GPBP1: variants seen among roughly 807,000 people sequenced by gnomAD.
GPBP1 encodes GC-rich promoter binding protein 1, also known as vasculin.
Under a neutral mutation model 56.5 loss-of-function variants are expected in GPBP1, and 13 were observed. The observed-to-expected ratio is 0.23, with a 90% CI of 0.15 to 0.37. The LOEUF is 0.37. Ranked by LOEUF, GPBP1 falls within the 10% of genes least tolerant of loss-of-function variation. GPBP1 has a pLI of 1.00. For synonymous variants in GPBP1, 204 were observed against 188.9 expected (o/e 1.08, Z -0.66); for missense variants, 477 against 572.3 (o/e 0.83, Z 1.70).
intron 5 of GPBP1, 42 bp from the exon 6 acceptor site, chr5:57,235,924 T>G (rs1407900143): frequency 7.2e-7 from 1 of 1,393,708 alleles, no homozygotes; most frequent in East Asian, 2.3e-5. Context: ...TTTAAATGAT[T>G]TATTTTTAAA....
chr5:57,187,003 A>AGTGTGTGT (rs66642664), intron 2 of GPBP1, among the ~76,000 whole-genome samples: 2,817 of 146,736 alleles, frequency 0.019, 29 homozygotes, highest in Non-Finnish European at 0.024. Flanking sequence ...GACTCAGAGA[A>AGTGTGTGT]GTGTGTGTGT....
intron 11 of GPBP1, 91 bp from the exon 12 acceptor site, chr5:57,262,503 G>T (rs1741945034): frequency 1.1e-5 from 11 of 1,001,746 alleles, no homozygotes; most frequent in African/African-American, 1.6e-5. Context: ...TTTGGGTTAG[G>T]ATACAATTTT....
chr5:57,188,476 C>CA (rs1754384529), intron 2 of GPBP1, among the ~76,000 whole-genome samples: 1 of 152,106 alleles, frequency 6.6e-6, no homozygotes, highest in African/African-American at 2.4e-5. Flanking sequence ...CATGGAGGCT[C>CA]ACGCCTGTAA....
chr5:57,209,648 G>C (rs1172079016), intron 2 of GPBP1, among the ~76,000 whole-genome samples: 1 of 152,070 alleles, frequency 6.6e-6, no homozygotes, highest in Non-Finnish European at 1.5e-5. Flanking sequence ...TGTTTATCAG[G>C]TTGAGCAAGT....
chr5:57,214,610 C>T (rs550147828), intron 3 of GPBP1, among the ~76,000 whole-genome samples: 1 of 152,164 alleles, frequency 6.6e-6, no homozygotes, highest in Non-Finnish European at 1.5e-5. Context: ...AAAACAAAAA[C>T]CCAAAACATT....
rs755032787 is a variant in GPBP1, at chr5:57,246,349, G to C, written c.528G>C (p.Lys176Asn). Residue 176 changes from lysine to asparagine, a missense_variant, in exon 7 of 12, where the codon AAG (lysine) becomes AAC (asparagine). By Grantham distance (94) the Lys-to-Asn change is moderately conservative (BLOSUM62 0). Transcript: ENST00000506184. ...KSRAPRMLVI[K>N]KGNTKDLQLS... ...GAGCTCCAAGGATGCTGGTCATTAA[G>C]AAAGGTAATACAAAAGACTTACAGC... 1.2e-6 allele frequency: 2 copies of C among 1,613,802 alleles called. No individual in the cohort carries two copies. Among genetic ancestry groups the C allele is most frequent in the Non-Finnish European group, 1.7e-6 (2 of 1,179,784 alleles).
chr5:57,174,947 T>C (rs551575350), intron 1 of GPBP1, among the ~76,000 whole-genome samples: 2 of 152,304 alleles, frequency 1.3e-5, no homozygotes, highest in Admixed American at 1.3e-4. Flanking sequence ...TTTCTGGCCT[T>C]ACTGGGTGGG....
chr5:57,218,947 T>G (rs879259020), intron 3 of GPBP1, among the ~76,000 whole-genome samples: 3 of 152,192 alleles, frequency 2.0e-5, no homozygotes, highest in Non-Finnish European at 4.4e-5. Context: ...TTTTGGAAGG[T>G]TAACTGAATT....
chr5:57,188,223 G>A (rs1433814322), intron 2 of GPBP1, among the ~76,000 whole-genome samples: 1 of 146,736 alleles, frequency 6.8e-6, no homozygotes, highest in African/African-American at 2.5e-5. Context: ...TAGGCTGGGC[G>A]ACAGAATGAG....
chr5:57,219,375 C>CAAAAAAAAA (rs869152603), intron 3 of GPBP1, among the ~76,000 whole-genome samples: 3 of 35,318 alleles, frequency 8.5e-5, no homozygotes, highest in African/African-American at 1.1e-4. Flanking sequence ...GACTCTGTCT[C>CAAAAAAAAA]AAAAAAAAAA....
Position 57,231,249 on chromosome 5 carries a change from C to T in GPBP1, c.339C>T (p.Asn113=), listed in dbSNP as rs1316222412. Residue 113 remains asparagine (N), a synonymous_variant, in exon 5 of 12, where the codon AAC becomes AAT. Coordinates refer to ENST00000506184, the MANE Select transcript of GPBP1 (RefSeq NM_022913.4). ...HAGKSQGLHE[N]NIPDNETGRK... Reference sequence around the variant, plus strand: ...GAAAAAGCCAAGGACTACATGAAAACAACATACCTGACAATGAAACCGGGA... The same window carrying T: ...GAAAAAGCCAAGGACTACATGAAAATAACATACCTGACAATGAAACCGGGA... The T allele has an allele frequency of 6.2e-7, 1 of 1,614,064 alleles. No individual in the cohort carries two copies. The highest frequency in any genetic ancestry group is 1.7e-5 in the Admixed American group (1 of 60,018).
intron 2 of GPBP1, among the ~76,000 whole-genome samples, chr5:57,194,235 G>GTA (rs1454547904): frequency 1.3e-5 from 2 of 151,992 alleles, no homozygotes; most frequent in Non-Finnish European, 2.9e-5. Flanking sequence ...AATAGTTCTC[G>GTA]TAAATATAAG....
At chr5:57,203,858 G>C (rs1297547199) in intron 2 of GPBP1, among the ~76,000 whole-genome samples, 1 of 152,130 alleles carries the variant, frequency 6.6e-6, no homozygotes, top group Admixed American at 6.6e-5. Flanking sequence ...GTAACTAACA[G>C]ATAAGACATT....
chr5:57,236,074 G>A, intron 6 of GPBP1, 42 bp downstream of exon 6: 3 of 1,238,480 alleles, frequency 2.4e-6, no homozygotes, highest in Non-Finnish European at 3.5e-6. Flanking sequence ...ACAAAATGTT[G>A]ATATTTATAG....
intron 3 of GPBP1, 119 bp from the exon 4 acceptor site, chr5:57,230,727 T>C: frequency 1.2e-6 from 1 of 824,970 alleles, no homozygotes; most frequent in Non-Finnish European, 2.0e-6. Context: ...TGAAAATAAC[T>C]GCAATATGTT....
Position 57,262,858 on chromosome 5 carries a change from T to C in GPBP1, c.*106T>C, listed in dbSNP as rs1741963095. ...ATAATTTATGTAGTGAAATACCCCA[T>C]TAGAAGAGGATTTTTTGGGGGACTT... On this transcript the variant is annotated 3_prime_UTR_variant, in exon 12 of 12. Transcript: ENST00000506184. The C allele has an allele frequency of 3.0e-6, 3 of 1,001,430 alleles. No homozygotes were observed. The Admixed American group carries it at 7.7e-5, about 26-fold the overall frequency. 62.0% of individuals were successfully genotyped at this position (1,001,430 alleles called of 1,614,324 possible).
chr5:57,219,421 A>AAAC (rs1687300171), intron 3 of GPBP1, among the ~76,000 whole-genome samples: 3 of 145,210 alleles, frequency 2.1e-5, no homozygotes, highest in African/African-American at 7.8e-5. Flanking sequence ...CAAACAAACA[A>AAAC]AAAAAAAAAC....
At chr5:57,247,863 T>C (rs988764200) in intron 8 of GPBP1, among the ~76,000 whole-genome samples, 1 of 151,952 alleles carries the variant, frequency 6.6e-6, no homozygotes, top group Admixed American at 6.6e-5. Context: ...CCCATCTTAG[T>C]CTCCTGATTG....
rs747757254 is a variant in GPBP1 at position 57,250,940 on chromosome 5, T to G, written c.973-14T>G. 6.9e-6 allele frequency: 10 copies of G among 1,438,864 alleles called. No homozygotes were observed. The highest frequency in any genetic ancestry group is 9.5e-6 in the Non-Finnish European group (10 of 1,058,160). 89.1% of individuals were successfully genotyped at this position (1,438,864 alleles called of 1,614,324 possible). ...ACTCATTCTTTTTTTTTTTTTTAACTCTCTAAAAATCAGGATGACGACTCA... is the reference window on the plus strand; with the variant it reads ...ACTCATTCTTTTTTTTTTTTTTAACGCTCTAAAAATCAGGATGACGACTCA... On this transcript the variant is annotated splice_polypyrimidine_tract_variant and intron_variant, in intron 9 of 11. Transcript: ENST00000506184.
Sources: gnomAD v4.1 joint callset for allele counts (sites outside exome capture counted in the v4.1 genomes callset) on GRCh38, gnomAD v4.1.1 for gene constraint, MANE v1.5 for transcripts, NCBI Gene and HGNC (gene_info 2026-07-23, HGNC 2026-07-21) for gene names.